The following ZNF804B variants were observed in gnomAD, a reference collection of about 807,000 sequenced individuals.
ZNF804B encodes the protein zinc finger 804B.
Under a neutral mutation model 101.4 loss-of-function variants are expected in ZNF804B, and 80 were observed. The observed-to-expected ratio is 0.79, with a 90% CI of 0.66 to 0.95. The LOEUF is 0.95. ZNF804B is among the 40% of genes least tolerant of loss of function. The probability of loss-of-function intolerance (pLI) is 0.00; values close to 1 mark genes in which losing one functional copy is unlikely to be tolerated. For synonymous variants in ZNF804B, 622 were observed against 558.8 expected, an observed-to-expected ratio of 1.11 and a Z score of -1.59; for missense variants, 1,673 against 1,561.9, an observed-to-expected ratio of 1.07 and a Z score of -1.20.
chr7:88,925,108 A>G (rs1193065249), intron 1 of ZNF804B, among the ~76,000 whole-genome samples: 1 of 151,958 alleles, frequency 6.6e-6, no homozygotes, highest in African/African-American at 2.4e-5. Flanking sequence ...CTATCAGTGG[A>G]CTCTTCATTA....
At chr7:89,154,574 C>G (rs955672522) in intron 1 of ZNF804B, among the ~76,000 whole-genome samples, 12 of 152,068 alleles carry the variant, frequency 7.9e-5, no homozygotes, top group African/African-American at 2.9e-4. Context: ...ATGGATGGAA[C>G]TGGAGATCAT....
chr7:89,181,626 T>C (rs1788299595), intron 1 of ZNF804B, among the ~76,000 whole-genome samples: 1 of 148,092 alleles, frequency 6.8e-6, no homozygotes, highest in South Asian at 2.1e-4. Flanking sequence ...GCTCTTTCCT[T>C]GATATCATGT....
intron 1 of ZNF804B, among the ~76,000 whole-genome samples, chr7:88,842,218 A>G (rs1044980651): frequency 2.6e-5 from 4 of 152,150 alleles, no homozygotes; most frequent in African/African-American, 7.2e-5. Context: ...AGCAAGACTA[A>G]TTATTTTGTT....
At chr7:89,325,413 G>T (rs995879897) in intron 2 of ZNF804B, among the ~76,000 whole-genome samples, 1 of 151,934 alleles carries the variant, frequency 6.6e-6, no homozygotes, top group African/African-American at 2.4e-5. Context: ...TCTTACAGAA[G>T]TGTAAGCACT....
intron 1 of ZNF804B, among the ~76,000 whole-genome samples, chr7:89,123,392 C>T (rs17397745): frequency 0.095 from 14,429 of 152,106 alleles, 750 homozygotes; most frequent in Middle Eastern, 0.14. Flanking sequence ...AGATGCACCT[C>T]CTCCAATGAT....
intron 1 of ZNF804B, among the ~76,000 whole-genome samples, chr7:88,962,110 T>C (rs958435588): frequency 2.6e-5 from 4 of 151,304 alleles, no homozygotes; most frequent in African/African-American, 7.3e-5. Context: ...TTTAATTGCA[T>C]TGAAGAAACT....
intron 1 of ZNF804B, among the ~76,000 whole-genome samples, chr7:89,027,658 T>G (rs1434014943): frequency 6.6e-6 from 1 of 152,154 alleles, no homozygotes; most frequent in East Asian, 1.9e-4. Flanking sequence ...CTCTCCCAGG[T>G]GGGTCTGCAC....
At chr7:89,294,236 A>G (rs1483875118) in intron 2 of ZNF804B, among the ~76,000 whole-genome samples, 2 of 152,050 alleles carry the variant, frequency 1.3e-5, no homozygotes, top group South Asian at 2.1e-4. Flanking sequence ...GGTAAAAACC[A>G]TAAACTCTTT....
chr7:88,814,447 A>AACAC (rs66471769), intron 1 of ZNF804B, among the ~76,000 whole-genome samples: 5,400 of 141,234 alleles, frequency 0.038, 127 homozygotes, highest in Middle Eastern at 0.051. Context: ...CCTCCCTTCA[A>AACAC]ACACACACAC....
At chr7:88,962,620 C>T (rs998048699) in intron 1 of ZNF804B, among the ~76,000 whole-genome samples, 2 of 147,052 alleles carry the variant, frequency 1.4e-5, no homozygotes, top group East Asian at 4.1e-4. Context: ...AAATTTATTT[C>T]ATTTATGGAT....
intron 1 of ZNF804B, among the ~76,000 whole-genome samples, chr7:88,905,911 T>TGG (rs1487285053): frequency 0.035 from 4,978 of 141,600 alleles, 121 homozygotes; most frequent in Middle Eastern, 0.046. Context: ...TTTTTTTTTT[T>TGG]GGGGTTGATA....
chr7:88,883,951 G>C (rs1270768425), intron 1 of ZNF804B, among the ~76,000 whole-genome samples: 2 of 151,884 alleles, frequency 1.3e-5, no homozygotes. Context: ...GAAAAAACTG[G>C]ATCTCCAGAA....
intron 1 of ZNF804B, among the ~76,000 whole-genome samples, chr7:88,977,699 C>G (rs910932361): frequency 6.6e-6 from 1 of 150,816 alleles, no homozygotes; most frequent in Non-Finnish European, 1.5e-5. Context: ...ACTTTTTATT[C>G]TGTTGTTTTC....
intron 1 of ZNF804B, among the ~76,000 whole-genome samples, chr7:89,205,621 G>A (rs930013309): frequency 6.6e-6 from 1 of 152,156 alleles, no homozygotes; most frequent in Non-Finnish European, 1.5e-5. Flanking sequence ...TCACATCCAG[G>A]TCACAGTGAT....
intron 1 of ZNF804B, among the ~76,000 whole-genome samples, chr7:88,933,913 G>A (rs1177921081): frequency 3.0e-5 from 4 of 132,162 alleles, no homozygotes; most frequent in Admixed American, 7.8e-5. Context: ...AAAAACAATC[G>A]TAAAATTTGT....
chr7:89,020,542 G>A (rs570994810), intron 1 of ZNF804B, among the ~76,000 whole-genome samples: 1 of 152,112 alleles, frequency 6.6e-6, no homozygotes, highest in South Asian at 2.1e-4. Flanking sequence ...TCTCAGAGAG[G>A]GTCTGTTTGG....
At chr7:88,895,591 G>A (rs922654976) in intron 1 of ZNF804B, among the ~76,000 whole-genome samples, 5 of 152,118 alleles carry the variant, frequency 3.3e-5, no homozygotes, top group Admixed American at 6.5e-5. Flanking sequence ...ATCCTCCAAC[G>A]AAAGAAACCA....
intron 1 of ZNF804B, among the ~76,000 whole-genome samples, chr7:88,946,593 G>A (rs112739206): frequency 1.3e-3 from 199 of 147,452 alleles, no homozygotes; most frequent in African/African-American, 4.7e-3. Context: ...CTAGGTTTTG[G>A]TATCAGGATG....
chr7:89,128,727 CTG>C (rs1790506608), intron 1 of ZNF804B, among the ~76,000 whole-genome samples: 1 of 151,962 alleles, frequency 6.6e-6, no homozygotes, highest in African/African-American at 2.4e-5. Flanking sequence ...TCTCATCTCT[CTG>C]TTTTTTCTAC....
Sources: allele counts gnomAD v4.1 joint callset (sites outside exome capture counted in the v4.1 genomes callset), GRCh38; gene constraint gnomAD v4.1.1; transcripts MANE v1.5; gene names NCBI Gene and HGNC (gene_info 2026-07-23, HGNC 2026-07-21).